The following TBC1D22A variants were observed in gnomAD, a reference collection of about 807,000 sequenced individuals.
The protein encoded by TBC1D22A is putative GTPase activator.
A neutral mutation model predicts 60.2 loss-of-function variants in TBC1D22A; 38 were observed. That is an observed-to-expected ratio of 0.63 (90% CI 0.49 to 0.83). TBC1D22A has a LOEUF of 0.83. Ranked by LOEUF, TBC1D22A falls within the 40% of genes least tolerant of loss-of-function variation. TBC1D22A has a pLI of 0.00. For synonymous variants in TBC1D22A, 302 were observed against 281.7 expected (o/e 1.07, Z -0.72); for missense variants, 628 against 701.0 (o/e 0.90, Z 1.18).
intron 11 of TBC1D22A, among the ~76,000 whole-genome samples, chr22:47,093,294 C>A (rs972068907): frequency 6.6e-6 from 1 of 152,180 alleles, no homozygotes; most frequent in African/African-American, 2.4e-5. Flanking sequence ...CCTCTAAGCA[C>A]CTGCTGGTGA....
chr22:46,871,209 G>T (rs1459572588), intron 4 of TBC1D22A, among the ~76,000 whole-genome samples: 2 of 152,160 alleles, frequency 1.3e-5, no homozygotes, highest in African/African-American at 4.8e-5. Flanking sequence ...GCTTTACAAT[G>T]CATGAAGCAA....
chr22:47,104,257 G>A (rs971505336), intron 11 of TBC1D22A, among the ~76,000 whole-genome samples: 6 of 152,090 alleles, frequency 3.9e-5, no homozygotes, highest in Admixed American at 2.0e-4. Flanking sequence ...GCAGTCAGCC[G>A]AGATCATGCA....
At chr22:47,102,942 T>G (rs2065473671) in intron 11 of TBC1D22A, among the ~76,000 whole-genome samples, 1 of 152,192 alleles carries the variant, frequency 6.6e-6, no homozygotes, top group Non-Finnish European at 1.5e-5. Context: ...CACGTGCTAC[T>G]CAGGGCTGGT....
intron 10 of TBC1D22A, among the ~76,000 whole-genome samples, chr22:47,017,940 C>T (rs1248039067): frequency 6.6e-6 from 1 of 152,270 alleles, no homozygotes; most frequent in African/African-American, 2.4e-5. Flanking sequence ...CCCTTTAATA[C>T]GTTCCATTCC....
intron 4 of TBC1D22A, among the ~76,000 whole-genome samples, chr22:46,876,944 C>T (rs1463665770): frequency 1.3e-5 from 2 of 152,240 alleles, no homozygotes; most frequent in East Asian, 1.9e-4. Context: ...CAAGATTTCC[C>T]GACGTTGAAC....
At chr22:46,841,044 ATGGG>A (rs1555909282) in intron 4 of TBC1D22A, among the ~76,000 whole-genome samples, 8 of 54,040 alleles carry the variant, frequency 1.5e-4, no homozygotes, top group East Asian at 1.1e-3. Context: ...AGTAATGAAA[ATGGG>A]TGTGTGTGTG....
At chr22:47,109,109 C>T (rs1367679887) in intron 11 of TBC1D22A, among the ~76,000 whole-genome samples, 1 of 152,198 alleles carries the variant, frequency 6.6e-6, no homozygotes, top group Non-Finnish European at 1.5e-5. Flanking sequence ...TTCCTCCTGA[C>T]TAGAGACTTC....
chr22:46,877,746 CAACCT>C (rs2067633487), intron 4 of TBC1D22A, among the ~76,000 whole-genome samples: 1 of 152,216 alleles, frequency 6.6e-6, no homozygotes, highest in South Asian at 2.1e-4. Context: ...GTTAGGAAAA[CAACCT>C]AATGGTAGAT....
intron 11 of TBC1D22A, among the ~76,000 whole-genome samples, chr22:47,073,961 C>T (rs56707775): frequency 0.18 from 27,716 of 152,078 alleles, 3,138 homozygotes; most frequent in African/African-American, 0.32. Flanking sequence ...GACCTGATCT[C>T]TCTACAAAAA....
rs919189730 is a variant in TBC1D22A at position 47,174,392 on chromosome 22, C to T, written c.*766C>T. 1 of 152,290 alleles carries T rather than the reference C, an allele frequency of 6.6e-6. No homozygotes were observed. Among genetic ancestry groups the T allele is most frequent in the Non-Finnish European group, 1.5e-5 (1 of 68,084 alleles). The allele number at this position is 152,290 out of a possible 1,614,324, so 9.4% of individuals were successfully genotyped here. A position where few individuals can be genotyped will look rare whatever the true frequency, so the allele number is the denominator to read the frequency against. ...CAAGTGGCCCCGCCACGCAGGTAGG[C>T]GCCGGCCTCAGCCAGAGCCCCTGGA... On this transcript the variant is annotated 3_prime_UTR_variant, in exon 13 of 13. Coordinates refer to ENST00000337137, the MANE Select transcript of TBC1D22A (RefSeq NM_014346.5).
chr22:46,816,912 A>T (rs566058965), intron 4 of TBC1D22A, among the ~76,000 whole-genome samples: 1 of 152,296 alleles, frequency 6.6e-6, no homozygotes, highest in South Asian at 2.1e-4. Context: ...ATTCCCTCTG[A>T]TTCCCTAATT....
intron 11 of TBC1D22A, among the ~76,000 whole-genome samples, chr22:47,076,983 C>T (rs2064255613): frequency 6.6e-6 from 1 of 152,262 alleles, no homozygotes; most frequent in East Asian, 1.9e-4. Context: ...TAAAGAAGGG[C>T]ATCATGCCTT....
At chr22:47,158,096 T>A (rs961324348) in intron 12 of TBC1D22A, among the ~76,000 whole-genome samples, 1 of 152,176 alleles carries the variant, frequency 6.6e-6, no homozygotes, top group African/African-American at 2.4e-5. Context: ...CACCACGGCC[T>A]TCCAGGACGC....
intron 10 of TBC1D22A, among the ~76,000 whole-genome samples, chr22:47,015,202 C>G (rs1490381767): frequency 2.0e-5 from 3 of 152,208 alleles, no homozygotes; most frequent in Non-Finnish European, 4.4e-5. Context: ...CTGAAGGTGG[C>G]CTATGTCAGC....
rs968891730 is a variant in TBC1D22A at position 47,167,558 on chromosome 22, C to A, written c.1426-5940C>A. ...TGGCAAGTTCTGGGTTCTTGTCCCA[C>A]AGCCAAGAGGAATAAGGTACGTGGA... On this transcript the variant is annotated intron_variant, in intron 12 of 12. Coordinates refer to ENST00000337137, the MANE Select transcript of TBC1D22A (RefSeq NM_014346.5). Among the ~76,000 whole-genome samples the A allele has an allele frequency of 4.6e-5, 7 of 152,308 alleles. 1 individual carries two copies. The Middle Eastern group carries it at 0.02, about 444-fold the overall frequency.
intron 11 of TBC1D22A, among the ~76,000 whole-genome samples, chr22:47,077,342 G>T (rs550288687): frequency 9.6e-4 from 146 of 152,306 alleles, no homozygotes; most frequent in African/African-American, 3.4e-3. Flanking sequence ...TCACCAGTAT[G>T]TGAGTTCTGG....
chr22:46,842,534 G>A (rs2086815477), intron 4 of TBC1D22A, among the ~76,000 whole-genome samples: 1 of 152,150 alleles, frequency 6.6e-6, no homozygotes, highest in South Asian at 2.1e-4. Context: ...AGTTCTCCCC[G>A]TAAACACTTG....
At chr22:46,782,783 T>C (rs990187314) in intron 1 of TBC1D22A, among the ~76,000 whole-genome samples, 8 of 152,200 alleles carry the variant, frequency 5.3e-5, no homozygotes, top group Non-Finnish European at 1.0e-4. Context: ...GATTCACCCA[T>C]GCTGTGTTGC....
intron 11 of TBC1D22A, among the ~76,000 whole-genome samples, chr22:47,062,768 T>C (rs1004927087): frequency 6.6e-6 from 1 of 152,142 alleles, no homozygotes; most frequent in Admixed American, 6.5e-5. Context: ...TTTTAAGTCA[T>C]TAAGTTTGGG....
Sources: gnomAD v4.1 joint callset for allele counts (sites outside exome capture counted in the v4.1 genomes callset) on GRCh38, gnomAD v4.1.1 for gene constraint, MANE v1.5 for transcripts, NCBI Gene and HGNC (gene_info 2026-07-23, HGNC 2026-07-21) for gene names.